Variants in ANO6 observed in about 807,000 individuals in gnomAD.
The protein encoded by ANO6 is anoctamin 6, also known as anoctamin-6.
Under a neutral mutation model 117.5 loss-of-function variants are expected in ANO6, and 106 were observed. That is an observed-to-expected ratio of 0.90 (90% CI 0.77 to 1.06). The LOEUF is 1.06. Among genes scored for constraint, ANO6 ranks in the 50% least tolerant of loss-of-function variants. The pLI is 0.00. For synonymous variants in ANO6, 367 were observed against 385.1 expected (o/e 0.95, Z 0.55); for missense variants, 955 against 1,121.1 (o/e 0.85, Z 2.12).
At chr12:45,348,436 A>AT in intron 5 of ANO6, 82 bp from the exon 6 acceptor site, 1 of 1,551,214 alleles carries the variant, frequency 6.4e-7, no homozygotes, top group Non-Finnish European at 8.9e-7. Context: ...ATGCCAGCAG[A>AT]TTTGTGTTAC....
chr12:45,381,349 G>C (rs895882933), intron 10 of ANO6, among the ~76,000 whole-genome samples: 17 of 152,180 alleles, frequency 1.1e-4, no homozygotes, highest in Non-Finnish European at 1.6e-4. Flanking sequence ...TAGCACCTCT[G>C]GATTGCCAGA....
At chr12:45,320,485 A>G (rs1414028329) in intron 2 of ANO6, among the ~76,000 whole-genome samples, 1 of 152,082 alleles carries the variant, frequency 6.6e-6, no homozygotes, top group Admixed American at 6.6e-5. Context: ...TCTGAGAGAC[A>G]GTTTGTTATA....
intron 17 of ANO6, among the ~76,000 whole-genome samples, chr12:45,418,982 C>T (rs570948355): frequency 6.6e-6 from 1 of 152,226 alleles, no homozygotes; most frequent in Admixed American, 6.5e-5. Context: ...GTCTTATTCC[C>T]TCAAACACCC....
Position 45,381,136 on chromosome 12 carries a change from A to G in ANO6, c.1165+3023A>G, listed in dbSNP as rs554671334. On this transcript the variant is annotated intron_variant, in intron 10 of 19. Transcript: ENST00000320560. ...CCAGAGTGTGTCTCATCCTTAGACA[A>G]TGCAGGATATAACACCATAACACTT... 4.8e-4 allele frequency among the ~76,000 whole-genome samples: 73 copies of G among 152,308 alleles called. 1 individual carries two copies. Among genetic ancestry groups the G allele is most frequent in the African/African-American group, 1.7e-3 (72 of 41,564 alleles).
chr12:45,226,984 CTTTTTTTTTT>C (rs906373347), intron 1 of ANO6, among the ~76,000 whole-genome samples: 3 of 112,764 alleles, frequency 2.7e-5, no homozygotes, highest in African/African-American at 6.9e-5. Context: ...TTATCATTTT[CTTTTTTTTTT>C]TTTTTTTTTT....
intron 10 of ANO6, 129 bp from the exon 11 acceptor site, chr12:45,388,032 G>C: frequency 8.1e-7 from 1 of 1,237,774 alleles, no homozygotes. Context: ...GAATTACCCA[G>C]TCCAGGTAGT....
intron 3 of ANO6, among the ~76,000 whole-genome samples, chr12:45,341,237 G>A (rs894005110): frequency 2.0e-5 from 3 of 152,090 alleles, no homozygotes; most frequent in Non-Finnish European, 4.4e-5. Context: ...CCTTTCTGGA[G>A]GGCAGTACAG....
chr12:45,395,712 A>G (rs920256810), intron 12 of ANO6, among the ~76,000 whole-genome samples: 6 of 152,230 alleles, frequency 3.9e-5, no homozygotes, highest in African/African-American at 1.2e-4. Flanking sequence ...AACGTAATCT[A>G]TCACATAAAC....
rs1941040105 is a variant in ANO6, at chr12:45,343,521, C to T, written c.280-3501C>T. Among the ~76,000 whole-genome samples, 4 of 152,312 alleles carry T rather than the reference C, an allele frequency of 2.6e-5. No individual in the cohort carries two copies. The South Asian group carries it at 8.3e-4, about 32-fold the overall frequency. ...AGTGTCTGGTCCTTTCAGAATACTC[C>T]ATCCCTCTACTGTACCATGTTTTAG... On this transcript the variant is annotated intron_variant, in intron 3 of 19. Transcript: ENST00000320560.
intron 1 of ANO6, among the ~76,000 whole-genome samples, chr12:45,220,740 G>A (rs1947383733): frequency 6.6e-6 from 1 of 152,190 alleles, no homozygotes; most frequent in Non-Finnish European, 1.5e-5. Context: ...TTGACAGATG[G>A]CTGGCAGCCC....
chr12:45,279,125 G>A lies in ANO6; in HGVS notation c.71-22889G>A, dbSNP rs138655208. ...TACCTTTCAAGTCTTTTCCTAGGTAGGGTGGGGTTGGGAGGCAACCACTTG... is the reference window on the plus strand; with the variant it reads ...TACCTTTCAAGTCTTTTCCTAGGTAAGGTGGGGTTGGGAGGCAACCACTTG... On this transcript the variant is annotated intron_variant, in intron 1 of 19. Coordinates refer to ENST00000320560, the MANE Select transcript of ANO6 (RefSeq NM_001025356.3). Among the ~76,000 whole-genome samples, 79 of 152,272 alleles carry A rather than the reference G, an allele frequency of 5.2e-4. 1 individual carries two copies. In the East Asian group the frequency reaches 0.014, roughly 27 times the overall value.
At chr12:45,368,155 A>G (rs890981547) in intron 9 of ANO6, among the ~76,000 whole-genome samples, 3 of 152,204 alleles carry the variant, frequency 2.0e-5, no homozygotes, top group Non-Finnish European at 2.9e-5. Context: ...TTGGGATCCA[A>G]GGTGTTTTGA....
At chr12:45,344,828 A>G (rs1363176408) in intron 3 of ANO6, among the ~76,000 whole-genome samples, 1 of 152,194 alleles carries the variant, frequency 6.6e-6, no homozygotes. Context: ...CTGCTTAGAT[A>G]AGAAGTAGAA....
Position 45,303,095 on chromosome 12 carries a change from C to G in ANO6, c.150+1002C>G, listed in dbSNP as rs564742339. On this transcript the variant is annotated intron_variant, in intron 2 of 19. Coordinates refer to ENST00000320560, the MANE Select transcript of ANO6 (RefSeq NM_001025356.3). Reference sequence around the variant, plus strand: ...TAAAGAAACTAGAGAGTGCTCTGGACTGAAAAGGGATGGCACATAAAACTG... The same window carrying G: ...TAAAGAAACTAGAGAGTGCTCTGGAGTGAAAAGGGATGGCACATAAAACTG... Among the ~76,000 whole-genome samples the G allele has an allele frequency of 8.4e-4, 128 of 152,262 alleles. 2 individuals carry two copies. In the South Asian group the frequency reaches 8.5e-3, roughly 10 times the overall value.
chr12:45,308,551 C>T (rs777320134), intron 2 of ANO6, among the ~76,000 whole-genome samples: 35 of 152,076 alleles, frequency 2.3e-4, no homozygotes, highest in Non-Finnish European at 4.9e-4. Context: ...TTGCTGGCAG[C>T]AATGAGAGCC....
At chr12:45,385,082 T>G (rs1340770329) in intron 10 of ANO6, among the ~76,000 whole-genome samples, 1 of 152,140 alleles carries the variant, frequency 6.6e-6, no homozygotes. Context: ...TTCAGTTTGT[T>G]CATTCAGTGC....
Position 45,325,504 on chromosome 12 carries a change from ATATC to A in ANO6, c.151-5785_151-5782del, listed in dbSNP as rs1231703605. ...TTTTTACCACCTGTCTTGTTTTATT[ATATC>A]TATCTTTTGTAATGCTTTATTGGGA... is the stretch of plus-strand genomic sequence containing the variant. On this transcript the variant is annotated intron_variant, in intron 2 of 19. Transcript: ENST00000320560. Among the ~76,000 whole-genome samples, 69 of 152,262 alleles carry A rather than the reference ATATC, an allele frequency of 4.5e-4. 2 individuals are homozygous for A. The highest frequency in any genetic ancestry group is 4.5e-3 in the Admixed American group (69 of 15,286).
intron 1 of ANO6, among the ~76,000 whole-genome samples, chr12:45,293,308 GC>G (rs1403892364): frequency 6.6e-6 from 1 of 152,060 alleles, no homozygotes; most frequent in Non-Finnish European, 1.5e-5. Flanking sequence ...ACAATGGCTT[GC>G]CCTCTAGGAG....
At chr12:45,294,091 T>C (rs2137285800) in intron 1 of ANO6, among the ~76,000 whole-genome samples, 1 of 152,056 alleles carries the variant, frequency 6.6e-6, no homozygotes, top group Non-Finnish European at 1.5e-5. Flanking sequence ...TCCAGGTAGG[T>C]AGAAAACACT....
Sources: gnomAD v4.1 joint callset for allele counts (sites outside exome capture counted in the v4.1 genomes callset) on GRCh38, gnomAD v4.1.1 for gene constraint, MANE v1.5 for transcripts, NCBI Gene and HGNC (gene_info 2026-07-23, HGNC 2026-07-21) for gene names.